Variants in RSRC2 observed in about 807,000 individuals in gnomAD.
The protein encoded by RSRC2 is arginine/serine-rich coiled-coil protein 2.
Under a neutral mutation model 61.3 loss-of-function variants are expected in RSRC2, and 5 were observed. The ratio of observed to expected loss-of-function variants is 0.08; its 90% CI spans 0.04 to 0.17. The LOEUF (loss-of-function observed/expected upper bound fraction) is 0.17. RSRC2 is among the 10% of genes least tolerant of loss of function. The probability of loss-of-function intolerance (pLI) is 1.00; values close to 1 mark genes in which losing one functional copy is unlikely to be tolerated. For synonymous variants in RSRC2, 202 were observed against 166.5 expected (o/e 1.21, Z -1.64); for missense variants, 381 against 518.8 (o/e 0.73, Z 2.58).
At position 122,504,374 on chromosome 12, in the gene RSRC2, T is replaced by A. The variant is rs1194199364; in HGVS notation, c.*1153A>T. On this transcript the variant is annotated 3_prime_UTR_variant, in exon 10 of 10. Transcript: ENST00000331738. ...TGGCTGCAGTGGCTCACGCCTATAA[T>A]CCCGGCACTTTGGGAGGCTGAGGAG... is the stretch of plus-strand genomic sequence containing the variant. 1 of 152,216 alleles carries A rather than the reference T, an allele frequency of 6.6e-6. No homozygotes were observed. The highest frequency in any genetic ancestry group is 1.5e-5 in the Non-Finnish European group (1 of 68,094). The allele number at this position is 152,216 out of a possible 1,614,324, so 9.4% of individuals were successfully genotyped here.
chr12:122,511,252 C>G, intron 6 of RSRC2, 64 bp from the exon 7 acceptor site: 1 of 1,233,678 alleles, frequency 8.1e-7, no homozygotes, highest in South Asian at 1.3e-5. Flanking sequence ...ATATATCTCT[C>G]TATATGTGCA....
At position 122,514,264 on chromosome 12, in the gene RSRC2, G is replaced by GT. The variant is rs1362127884; in HGVS notation, c.725+840dup. Reference sequence around the variant, plus strand: ...AAAATTTATTTTTGTGTGTGTGTGTGTGTGTGTTTTTTTTTTTTGAGACTG... The same window carrying GT: ...AAAATTTATTTTTGTGTGTGTGTGTGTTGTGTGTTTTTTTTTTTTGAGACTG... On this transcript the variant is annotated intron_variant, in intron 6 of 9. Transcript: ENST00000331738. Among the ~76,000 whole-genome samples the GT allele has an allele frequency of 5.9e-3, 677 of 114,746 alleles. 3 individuals are homozygous for GT. The highest frequency in any genetic ancestry group is 9.5e-3 in the Non-Finnish European group (467 of 49,024). The allele number at this position is 114,746 out of a possible 152,430, so 75.3% of individuals were successfully genotyped here. A position where few individuals can be genotyped will look rare whatever the true frequency, so the allele number is the denominator to read the frequency against.
intron 2 of RSRC2, 44 bp downstream of exon 2, chr12:122,522,099 T>A: frequency 6.4e-7 from 1 of 1,566,882 alleles, no homozygotes; most frequent in Non-Finnish European, 8.7e-7. Flanking sequence ...TCTACATATC[T>A]TATACAAATG....
At position 122,504,985 on chromosome 12, in the gene RSRC2, A is replaced by G. The variant is rs1028234852; in HGVS notation, c.*542T>C. 11 of 152,638 alleles carry G rather than the reference A, an allele frequency of 7.2e-5. No individual in the cohort carries two copies. The highest frequency in any genetic ancestry group is 2.6e-4 in the Admixed American group (4 of 15,260). The allele number at this position is 152,638 out of a possible 1,614,324, so 9.5% of individuals were successfully genotyped here. Reference sequence around the variant, plus strand: ...TTCTAGCTAGTGTTTTCTAACAGCAATTGCCAAATGCTACAGAAACTATAA... The same window carrying G: ...TTCTAGCTAGTGTTTTCTAACAGCAGTTGCCAAATGCTACAGAAACTATAA... On this transcript the variant is annotated 3_prime_UTR_variant, in exon 10 of 10. Transcript: ENST00000331738.
Position 122,526,893 on chromosome 12 carries a change from T to C in RSRC2, c.-40A>G, listed in dbSNP as rs775980887. ...GCCGCTAGAGCGGCGCCTCCACTTG[T>C]CGCTTTCAACAGTACCGGCCGCTCC... On this transcript the variant is annotated 5_prime_UTR_variant, in exon 1 of 10. Coordinates refer to ENST00000331738, the MANE Select transcript of RSRC2 (RefSeq NM_023012.6). 5 of 1,613,586 alleles carry C rather than the reference T, an allele frequency of 3.1e-6. No homozygotes were observed. In the African/African-American group the frequency reaches 4.0e-5, roughly 13 times the overall value.
intron 5 of RSRC2, 35 bp downstream of exon 5, chr12:122,517,192 C>A: frequency 6.2e-7 from 1 of 1,612,588 alleles, no homozygotes; most frequent in Non-Finnish European, 8.5e-7. Context: ...CTCTGAGGGT[C>A]CTATTAAATT....
In RSRC2 at chr12:122,520,191, T is replaced by G. The variant is rs978141604; in HGVS notation, c.208-1162A>C. 3.2e-5 allele frequency: 7 copies of G among 216,658 alleles called. No homozygotes were observed. The Admixed American group carries it at 3.8e-4, about 12-fold the overall frequency. The allele number at this position is 216,658 out of a possible 1,614,324, so 13.4% of individuals were successfully genotyped here. A position where few individuals can be genotyped will look rare whatever the true frequency, so the allele number is the denominator to read the frequency against. On this transcript the variant is annotated intron_variant, in intron 3 of 9. Transcript: ENST00000331738. The stretch of plus-strand genomic sequence containing the variant: ...TTGGCCAATCATTTTGGAACATGCA[T>G]GATGATTTATCTGAAAATGATCATA...
rs374284042 is a variant in RSRC2, at chr12:122,526,230, A to G, written c.6+618T>C. On this transcript the variant is annotated intron_variant, in intron 1 of 9. Transcript: ENST00000331738. ...CGGGCCACTTCGGAAACCGCGCATCAGTCAGAATTGGTAGTTCCACAACCT... is the reference window on the plus strand; with the variant it reads ...CGGGCCACTTCGGAAACCGCGCATCGGTCAGAATTGGTAGTTCCACAACCT... 4.6e-5 allele frequency: 7 copies of G among 152,568 alleles called. No homozygotes were observed. The East Asian group carries it at 7.7e-4, about 17-fold the overall frequency. 9.5% of individuals were successfully genotyped at this position (152,568 alleles called of 1,614,324 possible).
At position 122,507,136 on chromosome 12, in the gene RSRC2, G is replaced by A. The variant is rs572052571; in HGVS notation, c.1036-213C>T. 17 of 552,088 alleles carry A rather than the reference G, an allele frequency of 3.1e-5. No homozygotes were observed. The African/African-American group carries it at 3.3e-4, about 11-fold the overall frequency. The allele number at this position is 552,088 out of a possible 1,614,324, so 34.2% of individuals were successfully genotyped here. A position where few individuals can be genotyped will look rare whatever the true frequency, so the allele number is the denominator to read the frequency against. Reference sequence around the variant, plus strand: ...TTCACTCCTATAATCCCAGCACTTTGGAAGGCCGAGGTGGGCAAATCACCT... The same window carrying A: ...TTCACTCCTATAATCCCAGCACTTTAGAAGGCCGAGGTGGGCAAATCACCT... On this transcript the variant is annotated intron_variant, in intron 8 of 9. Transcript: ENST00000331738.
chr12:122,524,363 C>T (rs1013661471), intron 1 of RSRC2, among the ~76,000 whole-genome samples: 3 of 152,058 alleles, frequency 2.0e-5, no homozygotes, highest in Non-Finnish European at 2.9e-5. Flanking sequence ...TTTTAAGCAC[C>T]GCTATTACTT....
chr12:122,507,244 T>A (rs1029813768), intron 8 of RSRC2: 4 of 334,742 alleles, frequency 1.2e-5, no homozygotes, highest in Admixed American at 4.7e-5. Context: ...CCTGGCATGG[T>A]GGTGGGCACC....
At position 122,518,959 on chromosome 12, in the gene RSRC2, T is replaced by C. The variant is rs373361305; in HGVS notation, c.278A>G (p.His93Arg). ...TCGCTCTCTTCCTTTATCAGAAGAA[T>C]GTTCTTTGTCATTATGTTCCTCAGA... ...HKSEEHNDKE[H>R]SSDKGRERLN... The change falls in exon 4 of 10, where the codon CAT becomes CGT. Residue 93 changes from histidine to arginine, a missense_variant. This residue lies in a region of RSRC2 where 266 missense variants were observed against 270.5 expected (regional missense o/e 0.98). Coordinates refer to ENST00000331738, the MANE Select transcript of RSRC2 (RefSeq NM_023012.6). The C allele has an allele frequency of 4.4e-5, 71 of 1,613,622 alleles. No homozygotes were observed. Among genetic ancestry groups the C allele is most frequent in the Non-Finnish European group, 5.8e-5 (68 of 1,179,660 alleles).
Position 122,521,274 on chromosome 12 carries a change from A to C in RSRC2, c.207+111T>G, listed in dbSNP as rs1040673337. ...TATTTTATAACCCAATAAACCTTTT[A>C]AATTTCAAGTTTTGTACTTACCTTG... On this transcript the variant is annotated intron_variant, in intron 3 of 9. Transcript: ENST00000331738. 5.5e-6 allele frequency: 4 copies of C among 729,372 alleles called. No homozygotes were observed. In the African/African-American group the frequency reaches 7.1e-5, roughly 13 times the overall value. 45.2% of individuals were successfully genotyped at this position (729,372 alleles called of 1,614,324 possible). A position where few individuals can be genotyped will look rare whatever the true frequency, so the allele number is the denominator to read the frequency against.
chr12:122,519,090 G>A (rs1310844927), intron 3 of RSRC2, 61 bp from the exon 4 acceptor site: 5 of 1,381,222 alleles, frequency 3.6e-6, no homozygotes, highest in Non-Finnish European at 5.1e-6. Flanking sequence ...GTTAGTATGG[G>A]TATCAGTAGA....
intron 1 of RSRC2, among the ~76,000 whole-genome samples, chr12:122,525,808 T>G (rs1186033135): frequency 1.3e-4 from 2 of 15,786 alleles, no homozygotes; most frequent in Non-Finnish European, 2.2e-4. Context: ...AGAGTTTTTT[T>G]TTTTTTTTTT....
In RSRC2 at chr12:122,522,180, T is replaced by C. The variant is rs1344834927; in HGVS notation, c.126A>G (p.Arg42=). 1.2e-6 allele frequency: 2 copies of C among 1,613,502 alleles called. No homozygotes were observed. The highest frequency in any genetic ancestry group is 1.7e-6 in the Non-Finnish European group (2 of 1,179,882). The part of the protein sequence containing the change: ...SPRASKHHYS[R]SRSRSRERKR... ...TTCTTTCTCTTGACCTTGATCGTGA[T>C]CTTGAATAATGATGTTTTGAAGCTC... The change falls in exon 2 of 10, where the codon AGA becomes AGG. Residue 42 remains arginine (R), a synonymous_variant. Coordinates refer to ENST00000331738, the MANE Select transcript of RSRC2 (RefSeq NM_023012.6).
chr12:122,520,541 T>C, intron 3 of RSRC2: 3 of 1,367,700 alleles, frequency 2.2e-6, no homozygotes, highest in Non-Finnish European at 2.9e-6. Context: ...GCTATCTGAG[T>C]CTGCAGCGTC....
intron 6 of RSRC2, among the ~76,000 whole-genome samples, chr12:122,513,190 G>A (rs1026366190): frequency 7.1e-5 from 10 of 141,166 alleles, no homozygotes; most frequent in Non-Finnish European, 1.1e-4. Context: ...GCAAGACTCC[G>A]TCTCAAAAAT....
At chr12:122,509,991 T>G (rs760741384) in intron 7 of RSRC2, among the ~76,000 whole-genome samples, 39 of 152,194 alleles carry the variant, frequency 2.6e-4, no homozygotes, top group Non-Finnish European at 4.7e-4. Context: ...CTGGCTAATT[T>G]TTGTATTTTT....
Sources: allele counts gnomAD v4.1 joint callset (sites outside exome capture counted in the v4.1 genomes callset), GRCh38; gene constraint gnomAD v4.1.1; regional missense constraint gnomAD v4.1.1; transcripts MANE v1.5; gene names NCBI Gene and HGNC (gene_info 2026-07-23, HGNC 2026-07-21).